The following EVI5 variants were observed in gnomAD, a reference collection of about 807,000 sequenced individuals.
The protein encoded by EVI5 is ecotropic viral integration site 5.
In EVI5, 73 loss-of-function variants were observed where a neutral mutation model predicts 112.0. That is an observed-to-expected ratio of 0.65 (90% CI 0.54 to 0.79). The LOEUF is 0.79. Ranked by LOEUF, EVI5 falls within the 30% of genes least tolerant of loss-of-function variation. The pLI, the probability that EVI5 is intolerant of heterozygous loss-of-function variation, is 0.00. For synonymous variants in EVI5, 305 were observed against 319.9 expected (o/e 0.95, Z 0.50); for missense variants, 900 against 968.8 (o/e 0.93, Z 0.94).
At chr1:92,784,585 G>T in intron 1 of EVI5, 1 of 336,414 alleles carries the variant, frequency 3.0e-6, no homozygotes, top group Non-Finnish European at 4.2e-6. Flanking sequence ...GCCACAGTTA[G>T]ACCCGCCGAC....
chr1:92,753,560 TTTAATA>T (rs1380031220), intron 1 of EVI5, among the ~76,000 whole-genome samples: 43 of 152,364 alleles, frequency 2.8e-4, no homozygotes, highest in Admixed American at 7.8e-4. Context: ...ACATTCTTTC[TTTAATA>T]TTAAGTCTGA....
chr1:92,732,898 C>CAAAAAA (rs3042602), intron 2 of EVI5, among the ~76,000 whole-genome samples: 1 of 89,072 alleles, frequency 1.1e-5, no homozygotes, highest in African/African-American at 3.9e-5. Flanking sequence ...GACTCCATCT[C>CAAAAAA]AAAAAAAAAA....
intron 19 of EVI5, among the ~76,000 whole-genome samples, chr1:92,522,557 T>C (rs931189731): frequency 3.2e-5 from 4 of 126,666 alleles, no homozygotes; most frequent in African/African-American, 1.2e-4. Context: ...TGCTTGAACC[T>C]GGGAGGCGGG....
chr1:92,677,269 G>C (rs377581401), intron 9 of EVI5, 51 bp from the exon 10 acceptor site: 48 of 1,018,010 alleles, frequency 4.7e-5, no homozygotes, highest in Non-Finnish European at 6.4e-5. Flanking sequence ...TTCAAAAGTA[G>C]TTATTAAATT....
intron 9 of EVI5, among the ~76,000 whole-genome samples, chr1:92,681,041 T>A (rs1667501501): frequency 6.6e-6 from 1 of 152,192 alleles, no homozygotes; most frequent in Non-Finnish European, 1.5e-5. Context: ...ATATACAGCA[T>A]ATATTGGTGA....
At chr1:92,592,304 C>A (rs1195534137) in intron 18 of EVI5, among the ~76,000 whole-genome samples, 3 of 152,198 alleles carry the variant, frequency 2.0e-5, no homozygotes, top group African/African-American at 4.8e-5. Context: ...ACTGAACAAC[C>A]TGCTCCTGAA....
At position 92,678,740 on chromosome 1, in the gene EVI5, G is replaced by T. The variant is rs1177236455; in HGVS notation, c.1098-1522C>A. Among the ~76,000 whole-genome samples, 7 of 151,764 alleles carry T rather than the reference G, an allele frequency of 4.6e-5. No individual in the cohort carries two copies. The South Asian group carries it at 1.0e-3, about 23-fold the overall frequency. On this transcript the variant is annotated intron_variant, in intron 9 of 19. Transcript: ENST00000684568. ...CTTGACAAAAAATATCAATACCAAG[G>T]TTACTCCAAATATAAACCAGACCAG...
In EVI5 at chr1:92,511,957, A is replaced by G. The variant is rs200769450; in HGVS notation, c.*1699T>C. Reference sequence around the variant, plus strand: ...ACATACTGTGCAAAACTGTGCCTCCATACATACTGAATTCTACTTTTCTCT... The same window carrying G: ...ACATACTGTGCAAAACTGTGCCTCCGTACATACTGAATTCTACTTTTCTCT... On this transcript the variant is annotated 3_prime_UTR_variant, in exon 20 of 20. Coordinates refer to ENST00000684568, the MANE Select transcript of EVI5 (RefSeq NM_001350197.2). 1 of 152,176 alleles carries G rather than the reference A, an allele frequency of 6.6e-6. No homozygotes were observed. Among genetic ancestry groups the G allele is most frequent in the Non-Finnish European group, 1.5e-5 (1 of 67,978 alleles). 9.4% of individuals were successfully genotyped at this position (152,176 alleles called of 1,614,324 possible).
chr1:92,632,412 A>T (rs377442750), intron 14 of EVI5, among the ~76,000 whole-genome samples: 1 of 152,138 alleles, frequency 6.6e-6, no homozygotes, highest in South Asian at 2.1e-4. Flanking sequence ...AGTCTTGGGA[A>T]GGTGTATGTG....
At chr1:92,746,767 T>C (rs991738893) in intron 1 of EVI5, among the ~76,000 whole-genome samples, 1 of 151,742 alleles carries the variant, frequency 6.6e-6, no homozygotes, top group Non-Finnish European at 1.5e-5. Flanking sequence ...CATGGTGGCG[T>C]GTGTCTGTGA....
At chr1:92,693,722 A>G in intron 9 of EVI5, 80 bp downstream of exon 9, 1 of 762,480 alleles carries the variant, frequency 1.3e-6, no homozygotes, top group East Asian at 2.4e-5. Context: ...ATATAGTTCT[A>G]TAACCTAAGG....
chr1:92,750,638 T>C (rs1014770982), intron 1 of EVI5, among the ~76,000 whole-genome samples: 8 of 152,184 alleles, frequency 5.3e-5, no homozygotes, highest in African/African-American at 1.9e-4. Context: ...TGACCCTCCT[T>C]TGGCTATAAT....
intron 16 of EVI5, among the ~76,000 whole-genome samples, chr1:92,614,834 TA>T (rs1237154197): frequency 1.3e-3 from 34 of 25,764 alleles, no homozygotes; most frequent in Admixed American, 0.011. Flanking sequence ...TATTTTATGT[TA>T]TATTTTATAT....
At chr1:92,531,569 A>T (rs915792543) in intron 19 of EVI5, among the ~76,000 whole-genome samples, 3 of 152,262 alleles carry the variant, frequency 2.0e-5, no homozygotes, top group Non-Finnish European at 4.4e-5. Flanking sequence ...AGGGAAGTCC[A>T]TCAGACTAAC....
intron 19 of EVI5, among the ~76,000 whole-genome samples, chr1:92,546,015 A>G (rs6603984): frequency 0.86 from 130,906 of 151,958 alleles, 56,873 homozygotes; most frequent in East Asian, 0.97. Flanking sequence ...GTGCCGTGTG[A>G]TTCTACTACA....
intron 19 of EVI5, among the ~76,000 whole-genome samples, chr1:92,551,680 C>T (rs539750954): frequency 4.6e-5 from 7 of 152,230 alleles, no homozygotes; most frequent in East Asian, 3.9e-4. Context: ...CTCATGTCTG[C>T]GACCTAGTAA....
At chr1:92,591,924 A>G (rs1177076) in intron 18 of EVI5, among the ~76,000 whole-genome samples, 1 of 152,208 alleles carries the variant, frequency 6.6e-6, no homozygotes, top group Non-Finnish European at 1.5e-5. Context: ...AGACCACAGT[A>G]CAATCAAACT....
At chr1:92,573,871 G>A (rs1347957082) in intron 18 of EVI5, among the ~76,000 whole-genome samples, 1 of 151,988 alleles carries the variant, frequency 6.6e-6, no homozygotes, top group Non-Finnish European at 1.5e-5. Context: ...TTCCATCACT[G>A]AAAACTAAGA....
At chr1:92,567,883 A>G (rs1669739147) in intron 18 of EVI5, among the ~76,000 whole-genome samples, 1 of 152,226 alleles carries the variant, frequency 6.6e-6, no homozygotes, top group South Asian at 2.1e-4. Flanking sequence ...GCCCATATTT[A>G]GGAAAAATAT....
Sources: gnomAD v4.1 joint callset for allele counts (sites outside exome capture counted in the v4.1 genomes callset) on GRCh38, gnomAD v4.1.1 for gene constraint, MANE v1.5 for transcripts, NCBI Gene and HGNC (gene_info 2026-07-23, HGNC 2026-07-21) for gene names.